The following ALDH18A1 variants were observed in gnomAD, a reference collection of about 807,000 sequenced individuals.
The protein encoded by ALDH18A1 is delta-1-pyrroline-5-carboxylate synthase.
Under a neutral mutation model 88.8 loss-of-function variants are expected in ALDH18A1, and 44 were observed. The ratio of observed to expected loss-of-function variants is 0.50; its 90% CI spans 0.39 to 0.64. ALDH18A1 has a LOEUF of 0.64. ALDH18A1 is among the 30% of genes least tolerant of loss of function. The probability of loss-of-function intolerance (pLI) is 0.00; values close to 1 mark genes in which losing one functional copy is unlikely to be tolerated. For missense variants in ALDH18A1, 782 were observed against 1,009.5 expected (o/e 0.77, Z 3.05); for synonymous variants, 331 against 372.1 (o/e 0.89, Z 1.27).
chr10:95,634,529 C>T (rs747815265), intron 5 of ALDH18A1, among the ~76,000 whole-genome samples: 2 of 152,232 alleles, frequency 1.3e-5, no homozygotes, highest in South Asian at 2.1e-4. Context: ...TGTCACTGCT[C>T]TTGCTCTAAA....
chr10:95,608,613 T>C (rs920841659), intron 17 of ALDH18A1, among the ~76,000 whole-genome samples: 1 of 152,222 alleles, frequency 6.6e-6, no homozygotes, highest in African/African-American at 2.4e-5. Flanking sequence ...GGGATCCTCT[T>C]GCCTCAGCCT....
intron 3 of ALDH18A1, among the ~76,000 whole-genome samples, chr10:95,639,979 GATAC>G (rs1486572833): frequency 6.6e-6 from 1 of 151,878 alleles, no homozygotes; most frequent in African/African-American, 2.4e-5. Flanking sequence ...TCATCAAGGG[GATAC>G]ATAATGCCTG....
chr10:95,616,268 G>A (rs892980033), intron 13 of ALDH18A1, among the ~76,000 whole-genome samples: 1 of 152,198 alleles, frequency 6.6e-6, no homozygotes, highest in Non-Finnish European at 1.5e-5. Context: ...GTGCCAAGAC[G>A]CAGCTGTAAG....
chr10:95,637,130 T>G lies in ALDH18A1; in HGVS notation c.521A>C (p.Glu174Ala). Residue 174 changes from glutamate (E) to alanine (A), a missense_variant, in exon 5 of 18, where the codon GAG becomes GCG. This residue lies in a region of ALDH18A1 where 132 missense variants were observed against 255.5 expected (regional missense o/e 0.52). Coordinates refer to ENST00000371224, the MANE Select transcript of ALDH18A1 (RefSeq NM_002860.4). ...AGQSGLMALYEAMFTQYSICA... is the reference protein window; with the variant it reads ...AGQSGLMALYAAMFTQYSICA... ...GATGCTGTACTGGGTAAACATAGCC[T>G]CATACAAGGCCATCAGCCCACTCTG... 1 of 1,614,106 alleles carries G rather than the reference T, an allele frequency of 6.2e-7. No individual in the cohort carries two copies. The highest frequency in any genetic ancestry group is 8.5e-7 in the Non-Finnish European group (1 of 1,180,026).
At chr10:95,626,809 T>A in intron 9 of ALDH18A1, 33 bp from the exon 10 acceptor site, 3 of 1,609,556 alleles carry the variant, frequency 1.9e-6, no homozygotes, top group Non-Finnish European at 2.6e-6. Context: ...CAGGTCATGG[T>A]CACCTTAGTT....
At chr10:95,611,536 G>T in intron 15 of ALDH18A1, 94 bp from the exon 16 acceptor site, 1 of 1,432,090 alleles carries the variant, frequency 7.0e-7, no homozygotes, top group Non-Finnish European at 9.8e-7. Flanking sequence ...TAAAACCACA[G>T]CCCAAAGTGG....
intron 13 of ALDH18A1, among the ~76,000 whole-genome samples, chr10:95,615,548 G>A (rs548343964): frequency 1.3e-5 from 2 of 152,188 alleles, no homozygotes; most frequent in South Asian, 2.1e-4. Flanking sequence ...TTTACTGTAC[G>A]TATGTTACAC....
chr10:95,639,511 C>G (rs567431436), intron 3 of ALDH18A1, among the ~76,000 whole-genome samples: 11 of 151,888 alleles, frequency 7.2e-5, no homozygotes, highest in African/African-American at 2.7e-4. Flanking sequence ...TTCCAGGCAA[C>G]AGACATGTTA....
chr10:95,650,769 GGACTAA>G (rs903584255), intron 2 of ALDH18A1, among the ~76,000 whole-genome samples: 5 of 151,984 alleles, frequency 3.3e-5, no homozygotes, highest in African/African-American at 1.2e-4. Flanking sequence ...CAATAAAAAT[GGACTAA>G]GACAGGAAGA....
intron 7 of ALDH18A1, among the ~76,000 whole-genome samples, chr10:95,632,069 A>G (rs895634016): frequency 3.9e-5 from 6 of 152,262 alleles, no homozygotes; most frequent in African/African-American, 1.4e-4. Flanking sequence ...GTATTGATAC[A>G]TGCTGTAAAA....
At chr10:95,622,437 A>G (rs1184450751) in intron 11 of ALDH18A1, among the ~76,000 whole-genome samples, 1 of 152,168 alleles carries the variant, frequency 6.6e-6, no homozygotes, top group Non-Finnish European at 1.5e-5. Context: ...CCTGGGCTAA[A>G]GTGATTCCTC....
At chr10:95,642,102 G>T (rs2097892869) in intron 3 of ALDH18A1, among the ~76,000 whole-genome samples, 1 of 152,192 alleles carries the variant, frequency 6.6e-6, no homozygotes, top group African/African-American at 2.4e-5. Flanking sequence ...TTAATTACAA[G>T]GTAGTGTAAG....
rs1428700948 is a variant in ALDH18A1 at position 95,628,984 on chromosome 10, C to T, written c.809-492G>A. On this transcript the variant is annotated intron_variant, in intron 7 of 17. Coordinates refer to ENST00000371224, the MANE Select transcript of ALDH18A1 (RefSeq NM_002860.4). ...TGAAACAGTCACTAATTTACACTCC[C>T]AGTTTTATGAGTGAGTCACTGTAGA... 1.5e-5 allele frequency: 3 copies of T among 199,570 alleles called. No individual in the cohort carries two copies. In the East Asian group the frequency reaches 3.5e-4, roughly 23 times the overall value. 12.4% of individuals were successfully genotyped at this position (199,570 alleles called of 1,614,324 possible). A position where few individuals can be genotyped will look rare whatever the true frequency, so the allele number is the denominator to read the frequency against.
chr10:95,606,196 G>T lies in ALDH18A1; in HGVS notation c.*566C>A, dbSNP rs1197692766. 3.2e-6 allele frequency: 3 copies of T among 945,868 alleles called. No individual in the cohort carries two copies. Among genetic ancestry groups the T allele is most frequent in the Non-Finnish European group, 3.8e-6 (3 of 790,930 alleles). 58.6% of individuals were successfully genotyped at this position (945,868 alleles called of 1,614,324 possible). On this transcript the variant is annotated 3_prime_UTR_variant, in exon 18 of 18. Transcript: ENST00000371224. ...GGATGCAGGAAGCTGCAAGCATCTGGAATGCTTATTAATTTACCCCACAAA... is the reference window on the plus strand; with the variant it reads ...GGATGCAGGAAGCTGCAAGCATCTGTAATGCTTATTAATTTACCCCACAAA...
intron 7 of ALDH18A1, 98 bp from the exon 8 acceptor site, chr10:95,628,590 T>A: frequency 6.9e-7 from 1 of 1,452,274 alleles, no homozygotes; most frequent in South Asian, 1.2e-5. Flanking sequence ...ACTTTACTCA[T>A]CCAAATGAAT....
intron 2 of ALDH18A1, among the ~76,000 whole-genome samples, chr10:95,643,539 T>C (rs1216088974): frequency 1.3e-5 from 2 of 152,338 alleles, no homozygotes; most frequent in East Asian, 1.9e-4. Flanking sequence ...CAGAAAGCTA[T>C]TCATCACTGT....
intron 13 of ALDH18A1, 103 bp from the exon 14 acceptor site, chr10:95,614,264 CTAAG>C: frequency 8.3e-7 from 1 of 1,205,902 alleles, no homozygotes; most frequent in Non-Finnish European, 1.2e-6. Flanking sequence ...ACTCTGAGAA[CTAAG>C]TGAGACACTG....
At chr10:95,632,546 T>C (rs922820485) in intron 7 of ALDH18A1, among the ~76,000 whole-genome samples, 41 of 152,156 alleles carry the variant, frequency 2.7e-4, no homozygotes, top group Non-Finnish European at 5.1e-4. Context: ...CTATTTTTTG[T>C]AGAAACAGGG....
At chr10:95,607,357 T>A (rs1404458821) in intron 17 of ALDH18A1, among the ~76,000 whole-genome samples, 1 of 152,164 alleles carries the variant, frequency 6.6e-6, no homozygotes, top group Non-Finnish European at 1.5e-5. Context: ...AAGGGACATG[T>A]TTGTGGTATC....
Sources: gnomAD v4.1 joint callset for allele counts (sites outside exome capture counted in the v4.1 genomes callset) on GRCh38, gnomAD v4.1.1 for gene constraint, gnomAD v4.1.1 regional missense constraint, MANE v1.5 for transcripts, NCBI Gene and HGNC (gene_info 2026-07-23, HGNC 2026-07-21) for gene names.